Variants in ENTREP2 observed in about 807,000 individuals in gnomAD.
ENTREP2 encodes protein ENTREP2.
At chr15:29,475,163 C>G in the ENTREP2 span, among the ~76,000 whole-genome samples, 3 of 152,116 alleles carry the variant, frequency 2.0e-5, no homozygotes, top group Non-Finnish European at 4.4e-5. Flanking sequence ...GGACCCCGGA[C>G]AGCCTTTCTG....
At chr15:29,303,028 G>T in the ENTREP2 span, among the ~76,000 whole-genome samples, 1 of 152,100 alleles carries the variant, frequency 6.6e-6, no homozygotes, top group Non-Finnish European at 1.5e-5. Flanking sequence ...GCCAGTCTGA[G>T]CAGACTCAAA....
chr15:29,657,483 C>CGGGGGGA, the ENTREP2 span, among the ~76,000 whole-genome samples: 3 of 69,434 alleles, frequency 4.3e-5, no homozygotes, highest in African/African-American at 1.8e-4. Flanking sequence ...GCTGGGGGGG[C>CGGGGGGA]GGGGGGGGGG....
chr15:29,616,455 C>T, the ENTREP2 span, among the ~76,000 whole-genome samples: 1 of 152,096 alleles, frequency 6.6e-6, no homozygotes, highest in Non-Finnish European at 1.5e-5. Context: ...CTCTGTGAGA[C>T]AGTCACACTC....
chr15:29,209,475 C>G, the ENTREP2 span, among the ~76,000 whole-genome samples: 1 of 152,124 alleles, frequency 6.6e-6, no homozygotes, highest in Non-Finnish European at 1.5e-5. Flanking sequence ...GCACTCCAGC[C>G]TGGGCAACAG....
chr15:29,396,264 CCT>C, the ENTREP2 span, among the ~76,000 whole-genome samples: 4 of 152,010 alleles, frequency 2.6e-5, no homozygotes. Flanking sequence ...TCCCCTTTCC[CCT>C]CTCTCCCCCA....
At chr15:29,161,531 G>A in the ENTREP2 span, among the ~76,000 whole-genome samples, 10 of 152,340 alleles carry the variant, frequency 6.6e-5, no homozygotes, top group Middle Eastern at 3.4e-3. Flanking sequence ...TTGAAAGTAG[G>A]TTAAAAGCTC....
the ENTREP2 span, among the ~76,000 whole-genome samples, chr15:29,131,126 G>C: frequency 6.6e-6 from 1 of 152,204 alleles, no homozygotes; most frequent in Admixed American, 6.5e-5. Context: ...CCATTCTGTA[G>C]TTTCCCACTC....
the ENTREP2 span, among the ~76,000 whole-genome samples, chr15:29,662,430 AT>A: frequency 6.6e-6 from 1 of 152,030 alleles, no homozygotes; most frequent in South Asian, 2.1e-4. Context: ...AAATAAAAAT[AT>A]TTTTTATAAT....
chr15:29,530,878 C>T, the ENTREP2 span, among the ~76,000 whole-genome samples: 17 of 152,196 alleles, frequency 1.1e-4, no homozygotes, highest in Admixed American at 1.1e-3. Flanking sequence ...AGGCCCAGAG[C>T]AGACTCTGGC....
the ENTREP2 span, among the ~76,000 whole-genome samples, chr15:29,189,084 T>C: frequency 2.0e-5 from 3 of 152,188 alleles, no homozygotes; most frequent in Non-Finnish European, 4.4e-5. Context: ...AGCCTTTCCG[T>C]GGGTTCTGTG....
chr15:29,373,358 T>C, the ENTREP2 span, among the ~76,000 whole-genome samples: 2,802 of 152,120 alleles, frequency 0.018, 86 homozygotes, highest in African/African-American at 0.064. Context: ...GTTTAGGTTT[T>C]AGAATAAGGC....
chr15:29,381,473 AAAAAAAAG>A, the ENTREP2 span, among the ~76,000 whole-genome samples: 1 of 150,514 alleles, frequency 6.6e-6, no homozygotes, highest in African/African-American at 2.4e-5. Context: ...AAAAAAAAAA[AAAAAAAAG>A]CCCTTGGTTC....
the ENTREP2 span, chr15:29,269,763 T>G: frequency 7.2e-7 from 1 of 1,392,356 alleles, no homozygotes; most frequent in Non-Finnish European, 9.3e-7. Flanking sequence ...CGGCGGGGAT[T>G]GCGGGTCGGC....
the ENTREP2 span, among the ~76,000 whole-genome samples, chr15:29,571,550 A>G: frequency 6.6e-6 from 1 of 152,254 alleles, no homozygotes; most frequent in Admixed American, 6.5e-5. Flanking sequence ...TCTGGAGGAC[A>G]TTCCGAGAAC....
the ENTREP2 span, among the ~76,000 whole-genome samples, chr15:29,129,309 C>A: frequency 1.3e-5 from 2 of 152,184 alleles, no homozygotes; most frequent in Non-Finnish European, 2.9e-5. Flanking sequence ...AGGCGATCCG[C>A]CTGCTTTGGC....
the ENTREP2 span, among the ~76,000 whole-genome samples, chr15:29,655,433 C>T: frequency 6.6e-5 from 10 of 152,192 alleles, no homozygotes; most frequent in African/African-American, 2.4e-4. Context: ...CTATGTAAAA[C>T]GCCGTTCATT....
the ENTREP2 span, among the ~76,000 whole-genome samples, chr15:29,218,929 C>T: frequency 6.6e-6 from 1 of 152,054 alleles, no homozygotes; most frequent in Admixed American, 6.6e-5. Flanking sequence ...GACCAGGAAC[C>T]CAAAAACAAA....
chr15:29,628,174 T>A, the ENTREP2 span, among the ~76,000 whole-genome samples: 13 of 152,234 alleles, frequency 8.5e-5, no homozygotes, highest in Non-Finnish European at 1.9e-4. Context: ...TAATAAGTCA[T>A]CCTAATGGGT....
chr15:29,509,693 C>A, the ENTREP2 span, among the ~76,000 whole-genome samples: 1 of 152,140 alleles, frequency 6.6e-6, no homozygotes. Context: ...GGAAAACTGG[C>A]TAGCATATGC....
Sources: gnomAD v4.1 joint callset for allele counts (sites outside exome capture counted in the v4.1 genomes callset) on GRCh38, gnomAD v4.1.1 for gene constraint, MANE v1.5 for transcripts, NCBI Gene and HGNC (gene_info 2026-07-23, HGNC 2026-07-21) for gene names.